Variants in TRPC4 observed in about 807,000 individuals in gnomAD.
The protein encoded by TRPC4 is transient receptor potential cation channel subfamily C member 4.
Under a neutral mutation model 99.4 loss-of-function variants are expected in TRPC4, and 49 were observed. The observed-to-expected ratio is 0.49, with a 90% CI of 0.39 to 0.63. The LOEUF is 0.63. Ranked by LOEUF, TRPC4 falls within the 20% of genes least tolerant of loss-of-function variation. TRPC4 has a pLI of 0.00. For missense variants in TRPC4, 898 were observed against 1,152.9 expected (o/e 0.78, Z 3.20); for synonymous variants, 454 against 425.9 (o/e 1.07, Z -0.81).
chr13:37,745,462 A>ACACACACACACT (rs1955727382), intron 3 of TRPC4, among the ~76,000 whole-genome samples: 1 of 4,330 alleles, frequency 2.3e-4, no homozygotes, highest in African/African-American at 4.8e-4. Flanking sequence ...ATATATATAT[A>ACACACACACACT]TATATATATA....
At chr13:37,694,561 A>T (rs1372454854) in intron 3 of TRPC4, among the ~76,000 whole-genome samples, 3 of 152,356 alleles carry the variant, frequency 2.0e-5, no homozygotes, top group African/African-American at 4.8e-5. Context: ...TACCTAAAAA[A>T]AAGCAAGGAA....
At chr13:37,750,265 T>C (rs1593655121) in intron 2 of TRPC4, among the ~76,000 whole-genome samples, 4 of 152,288 alleles carry the variant, frequency 2.6e-5, no homozygotes, top group Admixed American at 2.0e-4. Context: ...ATTAAGAATA[T>C]TGCTCTTATG....
intron 1 of TRPC4, among the ~76,000 whole-genome samples, chr13:37,795,496 G>T (rs1957221816): frequency 6.6e-6 from 1 of 152,082 alleles, no homozygotes; most frequent in African/African-American, 2.4e-5. Context: ...AAAGCAGCAA[G>T]CTCTATCAGG....
At chr13:37,802,413 G>A (rs565211817) in intron 1 of TRPC4, among the ~76,000 whole-genome samples, 8 of 152,036 alleles carry the variant, frequency 5.3e-5, no homozygotes, top group Non-Finnish European at 7.4e-5. Flanking sequence ...GTTGTTCCTC[G>A]TCTTTGATGA....
At chr13:37,800,086 C>T (rs896889739) in intron 1 of TRPC4, among the ~76,000 whole-genome samples, 18 of 151,942 alleles carry the variant, frequency 1.2e-4, no homozygotes, top group Admixed American at 1.0e-3. Flanking sequence ...CAGATATAAG[C>T]GCATATGAAT....
chr13:37,800,397 T>C (rs1182407533), intron 1 of TRPC4, among the ~76,000 whole-genome samples: 1 of 152,186 alleles, frequency 6.6e-6, no homozygotes, highest in Non-Finnish European at 1.5e-5. Context: ...GCAAGAAATA[T>C]CTACATTTAT....
At chr13:37,765,764 A>T (rs1339754641) in intron 2 of TRPC4, among the ~76,000 whole-genome samples, 2 of 151,518 alleles carry the variant, frequency 1.3e-5, no homozygotes, top group African/African-American at 4.8e-5. Flanking sequence ...AGAAGATTGC[A>T]TAAGTGCTTT....
chr13:37,761,323 G>GT (rs1217578528), intron 2 of TRPC4, among the ~76,000 whole-genome samples: 2 of 151,792 alleles, frequency 1.3e-5, no homozygotes, highest in Admixed American at 6.6e-5. Context: ...GAGAAGTTCA[G>GT]TAACTTCCTC....
chr13:37,817,571 A>G lies in TRPC4; in HGVS notation c.-27-34211T>C, dbSNP rs144870489. On this transcript the variant is annotated intron_variant, in intron 1 of 10. Coordinates refer to ENST00000379705, the MANE Select transcript of TRPC4 (RefSeq NM_016179.4). ...AAAAAGAGCATGAATAACCAAGGCAATACTAAGGAAAACAAACAAACAAAC... is the reference window on the plus strand; with the variant it reads ...AAAAAGAGCATGAATAACCAAGGCAGTACTAAGGAAAACAAACAAACAAAC... 2.2e-3 allele frequency among the ~76,000 whole-genome samples: 328 copies of G among 152,112 alleles called. 2 individuals carry two copies. The highest frequency in any genetic ancestry group is 7.4e-3 in the African/African-American group (309 of 41,540).
rs1955448081 is a variant in TRPC4, at chr13:37,737,860, C to G, written c.897+8077G>C. On this transcript the variant is annotated intron_variant, in intron 3 of 10. Coordinates refer to ENST00000379705, the MANE Select transcript of TRPC4 (RefSeq NM_016179.4). ...CCAATAAAACATTTTCCCCACAGTT[C>G]TTATACCCTTAGATGATCAGAAATT... Among the ~76,000 whole-genome samples the G allele has an allele frequency of 2.0e-5, 3 of 152,214 alleles. No individual in the cohort carries two copies. In the South Asian group the frequency reaches 6.2e-4, roughly 32 times the overall value.
chr13:37,722,986 G>A (rs551330023), intron 3 of TRPC4, among the ~76,000 whole-genome samples: 119 of 152,218 alleles, frequency 7.8e-4, no homozygotes, highest in African/African-American at 2.7e-3. Flanking sequence ...CAGCGGGTGG[G>A]GAGGAAGTGT....
intron 2 of TRPC4, among the ~76,000 whole-genome samples, chr13:37,754,099 GAAGTCTAAAATAT>G (rs1385585116): frequency 6.6e-6 from 1 of 152,048 alleles, no homozygotes; most frequent in East Asian, 1.9e-4. Context: ...ATAATTTAAG[GAAGTCTAAAATAT>G]AAGTCATTTG....
intron 3 of TRPC4, among the ~76,000 whole-genome samples, chr13:37,718,033 T>C (rs1194041142): frequency 1.3e-5 from 2 of 151,866 alleles, no homozygotes; most frequent in Non-Finnish European, 2.9e-5. Flanking sequence ...CATTGTGGAG[T>C]GGCAAGAACT....
chr13:37,803,570 T>C (rs1344258318), intron 1 of TRPC4, among the ~76,000 whole-genome samples: 1 of 152,128 alleles, frequency 6.6e-6, no homozygotes, highest in African/African-American at 2.4e-5. Flanking sequence ...GAATAGTTAG[T>C]AGATATCAGA....
At chr13:37,789,947 A>G (rs1230966445) in intron 1 of TRPC4, among the ~76,000 whole-genome samples, 2 of 152,164 alleles carry the variant, frequency 1.3e-5, no homozygotes, top group Non-Finnish European at 2.9e-5. Flanking sequence ...ATAACAGAAG[A>G]AGTAGAATTA....
chr13:37,658,823 G>A (rs1952331290), intron 6 of TRPC4, among the ~76,000 whole-genome samples: 1 of 152,136 alleles, frequency 6.6e-6, no homozygotes, highest in Non-Finnish European at 1.5e-5. Flanking sequence ...ATTCACTGGT[G>A]GGAAACGGCA....
chr13:37,765,731 G>A (rs114722436), intron 2 of TRPC4, among the ~76,000 whole-genome samples: 2,251 of 151,412 alleles, frequency 0.015, 44 homozygotes, highest in African/African-American at 0.051. Context: ...AATGAAGGGC[G>A]TTTGTTGATC....
chr13:37,677,661 T>C (rs9532096), intron 4 of TRPC4, among the ~76,000 whole-genome samples: 93,126 of 151,844 alleles, frequency 0.61, 29,503 homozygotes, highest in East Asian at 0.8. Context: ...ATACAAGATG[T>C]CATAACTATT....
At chr13:37,744,331 G>A (rs1020723332) in intron 3 of TRPC4, among the ~76,000 whole-genome samples, 2 of 152,058 alleles carry the variant, frequency 1.3e-5, no homozygotes, top group Admixed American at 1.3e-4. Flanking sequence ...TCTTATCATT[G>A]TGTAGTAAAA....
Sources: allele counts gnomAD v4.1 joint callset (sites outside exome capture counted in the v4.1 genomes callset), GRCh38; gene constraint gnomAD v4.1.1; transcripts MANE v1.5; gene names NCBI Gene and HGNC (gene_info 2026-07-23, HGNC 2026-07-21).